Variants in TNKS observed in about 807,000 individuals in gnomAD.
The protein encoded by TNKS is tankyrase, also known as poly [ADP-ribose] polymerase tankyrase-1.
Under a neutral mutation model 135.8 loss-of-function variants are expected in TNKS, and 72 were observed. The observed-to-expected ratio is 0.53, with a 90% CI of 0.44 to 0.64. The LOEUF (loss-of-function observed/expected upper bound fraction) is 0.64. Ranked by LOEUF, TNKS falls within the 30% of genes least tolerant of loss-of-function variation. TNKS has a pLI of 0.00. For synonymous variants in TNKS, 849 were observed against 649.3 expected (o/e 1.31, Z -4.68); for missense variants, 1,769 against 1,674.0 (o/e 1.06, Z -0.99).
chr8:9,588,458 A>G (rs1363492804), intron 2 of TNKS, among the ~76,000 whole-genome samples: 1 of 152,136 alleles, frequency 6.6e-6, no homozygotes, highest in Non-Finnish European at 1.5e-5. Flanking sequence ...ATGTATTTTT[A>G]GTAGATACAG....
chr8:9,562,651 T>C (rs1318545003), intron 1 of TNKS, among the ~76,000 whole-genome samples: 1 of 152,184 alleles, frequency 6.6e-6, no homozygotes, highest in Non-Finnish European at 1.5e-5. Context: ...TTAACTAATA[T>C]TGATACTTCC....
chr8:9,720,514 G>T lies in TNKS; in HGVS notation c.1890G>T (p.Met630Ile). ...TACAAGGCTTCACAGCAGCACAGAT[G>T]GGCAATGAAGCAGTGCAGCAGATTC... ...ISLQGFTAAQ[M>I]GNEAVQQILS... is the part of the protein sequence containing the mutation. The change falls in exon 12 of 27, where the codon ATG becomes ATT. Residue 630 changes from methionine to isoleucine, a missense_variant. Met to Ile is a conservative substitution (Grantham distance 10, BLOSUM62 1). Around this residue, in one of 5 missense-constraint regions of TNKS, gnomAD observed 523 missense variants for 541.0 expected, o/e 0.97. Transcript: ENST00000310430. 1 of 1,613,914 alleles carries T rather than the reference G, an allele frequency of 6.2e-7. No homozygotes were observed. Among genetic ancestry groups the T allele is most frequent in the South Asian group, 1.1e-5 (1 of 91,034 alleles).
At chr8:9,697,395 A>G (rs1447394608) in intron 5 of TNKS, among the ~76,000 whole-genome samples, 1 of 152,210 alleles carries the variant, frequency 6.6e-6, no homozygotes, top group Non-Finnish European at 1.5e-5. Flanking sequence ...GCCTTAGCAG[A>G]GAATTTTTGG....
At chr8:9,628,545 A>G (rs1411923242) in intron 3 of TNKS, among the ~76,000 whole-genome samples, 1 of 151,702 alleles carries the variant, frequency 6.6e-6, no homozygotes, top group Non-Finnish European at 1.5e-5. Flanking sequence ...TCATCGATAG[A>G]TCTTTCTCAT....
At chr8:9,577,062 T>C (rs919770428) in intron 1 of TNKS, among the ~76,000 whole-genome samples, 1 of 152,106 alleles carries the variant, frequency 6.6e-6, no homozygotes, top group Non-Finnish European at 1.5e-5. Flanking sequence ...TATATTTAGT[T>C]TTCAACAGTA....
At chr8:9,570,238 G>C (rs962555956) in intron 1 of TNKS, among the ~76,000 whole-genome samples, 22 of 152,206 alleles carry the variant, frequency 1.4e-4, no homozygotes, top group African/African-American at 5.1e-4. Flanking sequence ...CCAGGAGTTT[G>C]AGACCAGCCT....
At chr8:9,719,489 A>T (rs560069241) in intron 11 of TNKS, among the ~76,000 whole-genome samples, 1 of 152,342 alleles carries the variant, frequency 6.6e-6, no homozygotes, top group East Asian at 1.9e-4. Flanking sequence ...ATATTTTATA[A>T]GACAGTAAAG....
intron 2 of TNKS, among the ~76,000 whole-genome samples, chr8:9,597,135 A>G (rs1001917070): frequency 6.6e-6 from 1 of 152,236 alleles, no homozygotes; most frequent in Non-Finnish European, 1.5e-5. Flanking sequence ...TTAAGTATGA[A>G]TTGCAATGTA....
intron 2 of TNKS, among the ~76,000 whole-genome samples, chr8:9,597,539 C>A (rs968274517): frequency 6.6e-6 from 1 of 152,174 alleles, no homozygotes; most frequent in Non-Finnish European, 1.5e-5. Flanking sequence ...AATTTAGATT[C>A]TTTTAACCTA....
intron 1 of TNKS, chr8:9,557,698 A>G (rs1163203276): frequency 2.6e-5 from 4 of 151,758 alleles, no homozygotes; most frequent in South Asian, 4.1e-4. Context: ...AGTTTCTCCT[A>G]TATTTCTAAT....
chr8:9,756,232 A>G (rs1486032041), intron 20 of TNKS, among the ~76,000 whole-genome samples: 2 of 152,102 alleles, frequency 1.3e-5, no homozygotes, highest in East Asian at 3.9e-4. Context: ...ATTCATTGTG[A>G]ACTTGATTAT....
At position 9,580,052 on chromosome 8, in the gene TNKS, G is replaced by T; in HGVS notation, c.674-107G>T. On this transcript the variant is annotated intron_variant, in intron 1 of 26. Transcript: ENST00000310430. ...TTTGTTTTACACCATTTACTATAGAGTGCAGTACTTCAGTTGTTCATACTT... is the reference window on the plus strand; with the variant it reads ...TTTGTTTTACACCATTTACTATAGATTGCAGTACTTCAGTTGTTCATACTT... The T allele has an allele frequency of 7.0e-6, 6 of 854,446 alleles. No homozygotes were observed. The South Asian group carries it at 9.5e-5, about 13-fold the overall frequency. 52.9% of individuals were successfully genotyped at this position (854,446 alleles called of 1,614,324 possible). A position where few individuals can be genotyped will look rare whatever the true frequency, so the allele number is the denominator to read the frequency against.
Position 9,706,214 on chromosome 8 carries a change from T to C in TNKS, c.1230T>C (p.Cys410=), listed in dbSNP as rs752452372. The change falls in exon 7 of 27, where the codon TGT becomes TGC. Residue 410 remains cysteine (C), a synonymous_variant. Transcript: ENST00000310430. ...KGGLVPLHNA[C]SYGHYEVTEL... is the part of the protein sequence containing the mutation. ...GACTTGTGCCTCTTCATAATGCATG[T>C]TCATATGGACATTATGAAGTCACAG... is the stretch of plus-strand genomic sequence containing the variant. 1 of 1,579,334 alleles carries C rather than the reference T, an allele frequency of 6.3e-7. No individual in the cohort carries two copies. Among genetic ancestry groups the C allele is most frequent in the Non-Finnish European group, 8.6e-7 (1 of 1,166,680 alleles).
In TNKS at chr8:9,751,732, C is replaced by G. The variant is rs1432015047; in HGVS notation, c.2956C>G (p.Leu986Val). ...CTCACCAGCATCCACCCCCTCCTGC[C>G]TCTCGGCTGCCAGCAGCATAGACAA... ...LISPASTPSC[L>V]SAASSIDNLT... The change falls in exon 19 of 27, where the codon CTC becomes GTC. Residue 986 changes from leucine (L) to valine (V), a missense_variant. Coordinates refer to ENST00000310430, the MANE Select transcript of TNKS (RefSeq NM_003747.3). The G allele has an allele frequency of 1.2e-6, 2 of 1,614,114 alleles. No homozygotes were observed. Among genetic ancestry groups the G allele is most frequent in the Non-Finnish European group, 1.7e-6 (2 of 1,180,056 alleles).
chr8:9,659,624 G>A (rs1355230041), intron 3 of TNKS, among the ~76,000 whole-genome samples: 1 of 152,062 alleles, frequency 6.6e-6, no homozygotes, highest in African/African-American at 2.4e-5. Context: ...ATGCCCACAA[G>A]AGAAAGCAGG....
intron 3 of TNKS, among the ~76,000 whole-genome samples, chr8:9,653,656 C>T (rs187010983): frequency 4.6e-5 from 7 of 152,244 alleles, no homozygotes. Flanking sequence ...GCACTAATCA[C>T]TCTCACAACA....
At chr8:9,621,138 T>C (rs183477502) in intron 3 of TNKS, among the ~76,000 whole-genome samples, 1 of 152,298 alleles carries the variant, frequency 6.6e-6, no homozygotes, top group South Asian at 2.1e-4. Context: ...AAAACATAAG[T>C]GCATTTTAAA....
intron 3 of TNKS, among the ~76,000 whole-genome samples, chr8:9,648,221 AT>A (rs1196517761): frequency 2.6e-5 from 4 of 151,892 alleles, no homozygotes; most frequent in Non-Finnish European, 5.9e-5. Context: ...ATTTAAAAAA[AT>A]TTTTTTTCTT....
At chr8:9,734,612 T>C (rs567275870) in intron 15 of TNKS, among the ~76,000 whole-genome samples, 37 of 152,326 alleles carry the variant, frequency 2.4e-4, no homozygotes, top group African/African-American at 7.7e-4. Flanking sequence ...ATATAGGTTG[T>C]CTCAAAGATA....
Sources: gnomAD v4.1 joint callset for allele counts (sites outside exome capture counted in the v4.1 genomes callset) on GRCh38, gnomAD v4.1.1 for gene constraint, gnomAD v4.1.1 regional missense constraint, MANE v1.5 for transcripts, NCBI Gene and HGNC (gene_info 2026-07-23, HGNC 2026-07-21) for gene names.